Variants in NKAIN2 observed in about 807,000 individuals in gnomAD.
The protein encoded by NKAIN2 is sodium/potassium-transporting ATPase subunit beta-1-interacting protein 2.
Under a neutral mutation model 32.6 loss-of-function variants are expected in NKAIN2, and 14 were observed. That is an observed-to-expected ratio of 0.43 (90% CI 0.28 to 0.67). NKAIN2 has a LOEUF of 0.67. Among genes scored for constraint, NKAIN2 ranks in the 30% least tolerant of loss-of-function variants. The pLI is 0.17. For synonymous variants in NKAIN2, 80 were observed against 87.2 expected (o/e 0.92, Z 0.46); for missense variants, 198 against 258.3 (o/e 0.77, Z 1.60).
At chr6:124,778,931 A>G (rs1384221765) in intron 4 of NKAIN2, among the ~76,000 whole-genome samples, 3 of 152,054 alleles carry the variant, frequency 2.0e-5, no homozygotes, top group Non-Finnish European at 4.4e-5. Context: ...GAGAATTAAT[A>G]TATTTTTTGC....
chr6:124,313,521 G>A (rs1332142982), intron 2 of NKAIN2, among the ~76,000 whole-genome samples: 1 of 152,094 alleles, frequency 6.6e-6, no homozygotes, highest in African/African-American at 2.4e-5. Flanking sequence ...CCTAGGCTGG[G>A]AATAGGGCAT....
rs3039590 is a variant in NKAIN2 at position 123,976,348 on chromosome 6, CAT to C, written c.54+172113_54+172114del. 4.1e-3 allele frequency among the ~76,000 whole-genome samples: 56 copies of C among 13,720 alleles called. 4 individuals are homozygous for C. The highest frequency in any genetic ancestry group is 9.0e-3 in the Admixed American group (10 of 1,116). 9.0% of individuals were successfully genotyped at this position (13,720 alleles called of 152,430 possible). Reference sequence around the variant, plus strand: ...ATGTTCCCATATATATATATGTTCCCATATATATATATATATATATTCCCATA... The same window carrying C: ...ATGTTCCCATATATATATATGTTCCCATATATATATATATATATTCCCATA... On this transcript the variant is annotated intron_variant, in intron 1 of 6. Coordinates refer to ENST00000368417, the MANE Select transcript of NKAIN2 (RefSeq NM_001040214.3).
At chr6:124,711,183 T>C (rs1215293750) in intron 4 of NKAIN2, among the ~76,000 whole-genome samples, 1 of 137,428 alleles carries the variant, frequency 7.3e-6, no homozygotes, top group Non-Finnish European at 1.5e-5. Flanking sequence ...GCTTGTAGCG[T>C]TTCTGCTGAG....
intron 4 of NKAIN2, among the ~76,000 whole-genome samples, chr6:124,722,308 T>C (rs1465754168): frequency 6.6e-6 from 1 of 152,222 alleles, no homozygotes; most frequent in African/African-American, 2.4e-5. Flanking sequence ...CAAGACTACT[T>C]TCAGTTCTTC....
intron 1 of NKAIN2, among the ~76,000 whole-genome samples, chr6:124,228,613 C>T (rs559820275): frequency 6.6e-6 from 1 of 152,064 alleles, no homozygotes; most frequent in African/African-American, 2.4e-5. Context: ...TTAAACTAAC[C>T]ATTGTCCATG....
intron 3 of NKAIN2, among the ~76,000 whole-genome samples, chr6:124,598,505 A>G (rs995319022): frequency 1.3e-5 from 2 of 152,010 alleles, no homozygotes; most frequent in African/African-American, 4.8e-5. Flanking sequence ...GAACCATGCA[A>G]TGGGTCTTAA....
chr6:124,283,327 G>A (rs1299706845), intron 2 of NKAIN2, 185 bp downstream of exon 2: 2 of 491,576 alleles, frequency 4.1e-6, no homozygotes, highest in African/African-American at 1.9e-5. Flanking sequence ...CAGGTTTAAG[G>A]CACTTGATAG....
At chr6:124,726,723 C>T (rs1203539106) in intron 4 of NKAIN2, among the ~76,000 whole-genome samples, 4 of 145,132 alleles carry the variant, frequency 2.8e-5, no homozygotes, top group African/African-American at 1.0e-4. Context: ...CTTTGATGAG[C>T]TGAGAGAAGA....
rs1185200971 is a variant in NKAIN2, at chr6:124,825,235, T to G, written c.*2006T>G. ...TGATGCGATTTCACCTTATAGTACA[T>G]GTATATGGGTACAGAAAATAAACCC... On this transcript the variant is annotated 3_prime_UTR_variant, in exon 7 of 7. Coordinates refer to ENST00000368417, the MANE Select transcript of NKAIN2 (RefSeq NM_001040214.3). 6.6e-6 allele frequency: 1 copy of G among 152,630 alleles called. No homozygotes were observed. The highest frequency in any genetic ancestry group is 1.5e-5 in the Non-Finnish European group (1 of 68,036). The allele number at this position is 152,630 out of a possible 1,614,324, so 9.5% of individuals were successfully genotyped here.
chr6:124,674,563 A>G (rs2114484400), intron 4 of NKAIN2, among the ~76,000 whole-genome samples: 1 of 152,114 alleles, frequency 6.6e-6, no homozygotes, highest in African/African-American at 2.4e-5. Context: ...TTCAGGGTAC[A>G]AGCCTTTCAT....
At chr6:124,243,932 T>C (rs1012579044) in intron 1 of NKAIN2, among the ~76,000 whole-genome samples, 2 of 152,134 alleles carry the variant, frequency 1.3e-5, no homozygotes, top group East Asian at 3.9e-4. Context: ...TTGTTGTTTA[T>C]AATGACAATA....
intron 1 of NKAIN2, among the ~76,000 whole-genome samples, chr6:124,024,843 C>T (rs901843969): frequency 6.6e-6 from 1 of 151,860 alleles, no homozygotes; most frequent in Non-Finnish European, 1.5e-5. Flanking sequence ...AAAAATTAGC[C>T]GAGCATGGTG....
At chr6:124,486,686 C>T (rs1777664838) in intron 3 of NKAIN2, among the ~76,000 whole-genome samples, 1 of 152,086 alleles carries the variant, frequency 6.6e-6, no homozygotes, top group Non-Finnish European at 1.5e-5. Context: ...CTCTTCTTTA[C>T]AGAATGCTAA....
intron 5 of NKAIN2, among the ~76,000 whole-genome samples, chr6:124,805,567 C>A (rs1780506248): frequency 6.6e-6 from 1 of 152,156 alleles, no homozygotes; most frequent in Non-Finnish European, 1.5e-5. Context: ...AAACTGGAAA[C>A]TCTAAAAAGC....
intron 1 of NKAIN2, among the ~76,000 whole-genome samples, chr6:123,888,993 C>A (rs1169254178): frequency 6.6e-6 from 1 of 152,094 alleles, no homozygotes; most frequent in East Asian, 1.9e-4. Flanking sequence ...CATGTACTTT[C>A]AAGTGTAGAC....
Position 124,343,757 on chromosome 6 carries a change from A to C in NKAIN2, c.193-11510A>C, listed in dbSNP as rs1293701166. Among the ~76,000 whole-genome samples the C allele has an allele frequency of 2.7e-5, 4 of 150,294 alleles. No individual in the cohort carries two copies. The South Asian group carries it at 6.6e-4, about 25-fold the overall frequency. On this transcript the variant is annotated intron_variant, in intron 2 of 6. Coordinates refer to ENST00000368417, the MANE Select transcript of NKAIN2 (RefSeq NM_001040214.3). The stretch of plus-strand genomic sequence containing the variant: ...CCCTTTGTCAGAAGAGTAGTTTGCA[A>C]AAATTTTCTCCCATTTTGTAGGTTG...
chr6:124,824,716 T>C lies in NKAIN2; in HGVS notation c.*1487T>C, dbSNP rs2114892629. 1 of 152,334 alleles carries C rather than the reference T, an allele frequency of 6.6e-6. No homozygotes were observed. The highest frequency in any genetic ancestry group is 6.5e-5 in the Admixed American group (1 of 15,294). 9.4% of individuals were successfully genotyped at this position (152,334 alleles called of 1,614,324 possible). A position where few individuals can be genotyped will look rare whatever the true frequency, so the allele number is the denominator to read the frequency against. On this transcript the variant is annotated 3_prime_UTR_variant, in exon 7 of 7. Transcript: ENST00000368417. Reference sequence around the variant, plus strand: ...TTTTTAAAACTAACACACCATTCTTTAGTGCAGTGAAATTCAAAAGTTATA... The same window carrying C: ...TTTTTAAAACTAACACACCATTCTTCAGTGCAGTGAAATTCAAAAGTTATA...
chr6:124,574,310 A>AC (rs34552253), intron 3 of NKAIN2, among the ~76,000 whole-genome samples: 1 of 134,586 alleles, frequency 7.4e-6, no homozygotes, highest in Non-Finnish European at 1.5e-5. Context: ...AAACAGAAAA[A>AC]GTTAAAAAAA....
chr6:123,849,895 A>G (rs1301385039), intron 1 of NKAIN2, among the ~76,000 whole-genome samples: 1 of 149,822 alleles, frequency 6.7e-6, no homozygotes, highest in East Asian at 2.0e-4. Context: ...ATTATTTACA[A>G]TTTTCTTTAA....
Sources: gnomAD v4.1 joint callset for allele counts (sites outside exome capture counted in the v4.1 genomes callset) on GRCh38, gnomAD v4.1.1 for gene constraint, MANE v1.5 for transcripts, NCBI Gene and HGNC (gene_info 2026-07-23, HGNC 2026-07-21) for gene names.